The following PPP1CC variants were observed in gnomAD, a reference collection of about 807,000 sequenced individuals.
PPP1CC encodes serine/threonine-protein phosphatase PP1-gamma catalytic subunit.
PPP1CC carries 16 observed loss-of-function variants against 38.4 expected under a neutral mutation model. That is an observed-to-expected ratio of 0.42 (90% CI 0.28 to 0.63). The LOEUF is 0.63. Among genes scored for constraint, PPP1CC ranks in the 30% least tolerant of loss-of-function variants. PPP1CC has a pLI of 0.25. For missense variants in PPP1CC, 170 were observed against 391.3 expected (o/e 0.43, Z 4.77); for synonymous variants, 158 against 136.0 (o/e 1.16, Z -1.13).
downstream of PPP1CC, among the ~76,000 whole-genome samples, chr12:110,716,422 G>A (rs7970686): frequency 0.017 from 2,614 of 150,812 alleles, 83 homozygotes; most frequent in African/African-American, 0.06. Flanking sequence ...GCAGAGTCTT[G>A]GCTCACTGCA....
In PPP1CC at chr12:110,731,886, G is replaced by A; in HGVS notation, c.71C>T (p.Pro24Leu). The A allele has an allele frequency of 6.2e-7, 1 of 1,613,108 alleles. No individual in the cohort carries two copies. Among genetic ancestry groups the A allele is most frequent in the Non-Finnish European group, 8.5e-7 (1 of 1,179,342 alleles). Reference protein sequence around the residue: ...QRLLEVRGSKPGKNVQLQENE... With the variant: ...QRLLEVRGSKLGKNVQLQENE... ...CTCCTGAAGCTGGACATTCTTACCA[G>A]GCTTGGACCCTCTCACTGCAAGAGA... Residue 24 changes from proline (P) to leucine (L), a missense_variant, in exon 2 of 7, where the codon CCT becomes CTT. Coordinates refer to ENST00000335007, the MANE Select transcript of PPP1CC (RefSeq NM_002710.4).
intron 3 of PPP1CC, chr12:110,725,398 A>C (rs2069785544): frequency 6.6e-6 from 1 of 152,252 alleles, no homozygotes; most frequent in Admixed American, 6.5e-5. Context: ...TAACCTACTG[A>C]CACCAGAGGA....
chr12:110,731,752 T>C lies in PPP1CC; in HGVS notation c.187+18A>G. 3 of 1,596,900 alleles carry C rather than the reference T, an allele frequency of 1.9e-6. No individual in the cohort carries two copies. Among genetic ancestry groups the C allele is most frequent in the Non-Finnish European group, 2.6e-6 (3 of 1,166,026 alleles). On this transcript the variant is annotated intron_variant, in intron 2 of 6. Coordinates refer to ENST00000335007, the MANE Select transcript of PPP1CC (RefSeq NM_002710.4). ...ATCAATCATGTAACAAAAGATAACC[T>C]GTGTGCCCCAAACTTACCACATATT...
chr12:110,709,158 C>T, the PPP1CC span, among the ~76,000 whole-genome samples: 1 of 152,084 alleles, frequency 6.6e-6, no homozygotes, highest in Non-Finnish European at 1.5e-5. Context: ...TAGATACAAA[C>T]CCACAAACAC....
intron 1 of PPP1CC, among the ~76,000 whole-genome samples, chr12:110,735,625 T>C (rs1948031489): frequency 1.3e-5 from 2 of 149,884 alleles, no homozygotes. Flanking sequence ...CTACTAAAAA[T>C]ACAAAAATTT....
At chr12:110,723,765 C>T (rs1367850261) in intron 4 of PPP1CC, among the ~76,000 whole-genome samples, 1 of 152,118 alleles carries the variant, frequency 6.6e-6, no homozygotes, top group Non-Finnish European at 1.5e-5. Context: ...CTGGCTTGGC[C>T]TCTCCAAAGT....
the PPP1CC span, among the ~76,000 whole-genome samples, chr12:110,709,641 C>T: frequency 3.3e-5 from 5 of 150,788 alleles, no homozygotes; most frequent in African/African-American, 1.2e-4. Context: ...TCACTGCAAC[C>T]TTTGCCTCCC....
At chr12:110,727,157 C>T (rs532578764) in intron 3 of PPP1CC, among the ~76,000 whole-genome samples, 47 of 152,288 alleles carry the variant, frequency 3.1e-4, no homozygotes, top group African/African-American at 1.1e-3. Flanking sequence ...CTCCTGACCT[C>T]TTGTGATCAG....
rs2069724519 is a variant in PPP1CC, at chr12:110,720,365, A to T, written c.*711T>A. 3.5e-6 allele frequency: 2 copies of T among 579,304 alleles called. No individual in the cohort carries two copies. Among genetic ancestry groups the T allele is most frequent in the East Asian group, 2.9e-5 (1 of 34,570 alleles). 35.9% of individuals were successfully genotyped at this position (579,304 alleles called of 1,614,324 possible). A position where few individuals can be genotyped will look rare whatever the true frequency, so the allele number is the denominator to read the frequency against. On this transcript the variant is annotated 3_prime_UTR_variant, in exon 7 of 7. Coordinates refer to ENST00000335007, the MANE Select transcript of PPP1CC (RefSeq NM_002710.4). ...GAAGGCAGCATGTGTATACAACCAT[A>T]CCACCTTGTACTTAGGGGTGTGTCA... is the stretch of plus-strand genomic sequence containing the variant.
At position 110,725,044 on chromosome 12, in the gene PPP1CC, T is replaced by A. The variant is rs372331230; in HGVS notation, c.419-280A>T. 1.8e-5 allele frequency: 4 copies of A among 221,134 alleles called. 1 individual carries two copies. The South Asian group carries it at 2.8e-4, about 15-fold the overall frequency. 13.7% of individuals were successfully genotyped at this position (221,134 alleles called of 1,614,324 possible). A position where few individuals can be genotyped will look rare whatever the true frequency, so the allele number is the denominator to read the frequency against. On this transcript the variant is annotated intron_variant, in intron 3 of 6. Coordinates refer to ENST00000335007, the MANE Select transcript of PPP1CC (RefSeq NM_002710.4). The stretch of plus-strand genomic sequence containing the variant: ...TTCAAGACCATCTTGGGCAACATAG[T>A]GAGACCCCATCTCTTTAAAGAAAGA...
chr12:110,710,529 T>C, the PPP1CC span, among the ~76,000 whole-genome samples: 30 of 150,960 alleles, frequency 2.0e-4, no homozygotes, highest in Middle Eastern at 0.021. Context: ...CCATCCTGGC[T>C]AACATGGTGA....
intron 1 of PPP1CC, among the ~76,000 whole-genome samples, chr12:110,736,962 T>A (rs2136564651): frequency 6.6e-6 from 1 of 152,318 alleles, no homozygotes; most frequent in South Asian, 2.1e-4. Context: ...CCAACGAAGA[T>A]TTTGCTGTTT....
the PPP1CC span, among the ~76,000 whole-genome samples, chr12:110,712,980 G>T: frequency 5.3e-5 from 8 of 152,118 alleles, no homozygotes; most frequent in Admixed American, 2.0e-4. Context: ...GGCTGAAGCA[G>T]GAGAATTGCT....
At chr12:110,728,978 G>A (rs16940973) in intron 3 of PPP1CC, among the ~76,000 whole-genome samples, 2,619 of 152,172 alleles carry the variant, frequency 0.017, 83 homozygotes, top group African/African-American at 0.059. Context: ...TCTAGGTTAC[G>A]ATGTGGTCTA....
rs2070035124 is a variant in PPP1CC at position 110,742,804 on chromosome 12, G to GGCGGCGGTGGCA, written c.-109_-98dup. 1.9e-6 allele frequency: 2 copies of GGCGGCGGTGGCA among 1,051,208 alleles called. No homozygotes were observed. Among genetic ancestry groups the GGCGGCGGTGGCA allele is most frequent in the African/African-American group, 1.7e-5 (1 of 60,388 alleles). The allele number at this position is 1,051,208 out of a possible 1,614,324, so 65.1% of individuals were successfully genotyped here. On this transcript the variant is annotated 5_prime_UTR_variant, in exon 1 of 7. Coordinates refer to ENST00000335007, the MANE Select transcript of PPP1CC (RefSeq NM_002710.4). Reference sequence around the variant, plus strand: ...CCACGCCACGAGCAGAGGCGGTGGTGGCGGCGGTGGCAGCAGCCGCGGCGG... The same window carrying GGCGGCGGTGGCA: ...CCACGCCACGAGCAGAGGCGGTGGTGGCGGCGGTGGCAGCGGCGGTGGCAGCAGCCGCGGCGG...
chr12:110,737,497 A>AAAAAAAG (rs2069959460), intron 1 of PPP1CC, among the ~76,000 whole-genome samples: 1 of 147,614 alleles, frequency 6.8e-6, no homozygotes, highest in African/African-American at 2.6e-5. Flanking sequence ...AAAAAAAAAA[A>AAAAAAAG]AAAAGAAAAG....
At chr12:110,711,137 C>A in the PPP1CC span, among the ~76,000 whole-genome samples, 1 of 152,072 alleles carries the variant, frequency 6.6e-6, no homozygotes, top group Non-Finnish European at 1.5e-5. Flanking sequence ...GGTGCCACTG[C>A]ATTCCAGCCT....
chr12:110,722,893 T>C lies in PPP1CC; in HGVS notation c.524-198A>G, dbSNP rs897365252. Among the ~76,000 whole-genome samples, 1 of 152,226 alleles carries C rather than the reference T, an allele frequency of 6.6e-6. No homozygotes were observed. The highest frequency in any genetic ancestry group is 2.4e-5 in the African/African-American group (1 of 41,458). ...CAACTGGATACACACTAGAATTACA[T>C]GCAGTAATGCATGGGGTGCAGTAGG... On this transcript the variant is annotated intron_variant, in intron 4 of 6. Coordinates refer to ENST00000335007, the MANE Select transcript of PPP1CC (RefSeq NM_002710.4). This position sits in a 1 kb window ranked among gnomAD's most constrained non-coding sequence, Gnocchi z 5.4.
chr12:110,733,926 T>TTA (rs1198997826), intron 1 of PPP1CC, among the ~76,000 whole-genome samples: 2 of 152,182 alleles, frequency 1.3e-5, no homozygotes, highest in African/African-American at 4.8e-5. Flanking sequence ...AAGAAAAAAG[T>TTA]TATATAAAGA....
Sources: gnomAD v4.1 joint callset for allele counts (sites outside exome capture counted in the v4.1 genomes callset) on GRCh38, gnomAD v4.1.1 for gene constraint, Gnocchi (gnomAD v3.1) non-coding constraint, MANE v1.5 for transcripts, NCBI Gene and HGNC (gene_info 2026-07-23, HGNC 2026-07-21) for gene names.